NOTCH2NLR: variants seen among roughly 807,000 people sequenced by gnomAD.
The protein encoded by NOTCH2NLR is notch 2 N-terminal like R (pseudogene).
In NOTCH2NLR, 33 loss-of-function variants were observed where a neutral mutation model predicts 35.6. The ratio of observed to expected loss-of-function variants is 0.93; its 90% CI spans 0.70 to 1.24. The LOEUF (loss-of-function observed/expected upper bound fraction) is 1.24. NOTCH2NLR is among the 50% of genes most tolerant of loss of function. NOTCH2NLR has a pLI of 0.00. For missense variants in NOTCH2NLR, 276 were observed against 362.2 expected, an observed-to-expected ratio of 0.76 and a Z score of 1.93; for synonymous variants, 103 against 141.0, an observed-to-expected ratio of 0.73 and a Z score of 1.91.
In NOTCH2NLR at chr1:120,724,450, C is replaced by T. The variant is rs1198869111; in HGVS notation, c.73+200C>T. Among the ~76,000 whole-genome samples, 2 of 121,038 alleles carry T rather than the reference C, an allele frequency of 1.7e-5. 1 individual carries two copies. Among genetic ancestry groups the T allele is most frequent in the Non-Finnish European group, 3.3e-5 (2 of 61,522 alleles). The allele number at this position is 121,038 out of a possible 152,430, so 79.4% of individuals were successfully genotyped here. On this transcript the variant is annotated intron_variant, in intron 1 of 4. Transcript: ENST00000624419. The stretch of plus-strand genomic sequence containing the variant: ...TGCCCCGCCAACCGCTGGGGTTCCC[C>T]GCCGCCTCTGCTCCCCGCGGCCCGG...
Position 120,793,651 on chromosome 1 carries a change from G to T in NOTCH2NLR, c.752-96G>T, listed in dbSNP as rs1451479181. On this transcript the variant is annotated intron_variant, in intron 4 of 4. Transcript: ENST00000624419. ...TGCTAGTGAGGGAGGAGTTTTATGG[G>T]CCCACTGTGGTCCATAAACTGAGCA... 1.5e-5 allele frequency: 9 copies of T among 609,670 alleles called. 2 individuals are homozygous for T. The highest frequency in any genetic ancestry group is 7.9e-5 in the African/African-American group (2 of 25,370). The allele number at this position is 609,670 out of a possible 1,614,324, so 37.8% of individuals were successfully genotyped here. A position where few individuals can be genotyped will look rare whatever the true frequency, so the allele number is the denominator to read the frequency against.
At chr1:120,778,364 A>G (rs1651322754) in intron 2 of NOTCH2NLR, among the ~76,000 whole-genome samples, 1 of 101,930 alleles carries the variant, frequency 9.8e-6, no homozygotes, top group Non-Finnish European at 1.8e-5. Context: ...CTGTTCAAAG[A>G]ATTTTCTGCT....
At position 120,783,849 on chromosome 1, in the gene NOTCH2NLR, A is replaced by G. The variant is rs1369745492; in HGVS notation, c.156-1125A>G. Among the ~76,000 whole-genome samples the G allele has an allele frequency of 3.7e-5, 4 of 108,982 alleles. No individual in the cohort carries two copies. The South Asian group carries it at 8.2e-4, about 22-fold the overall frequency. 71.5% of individuals were successfully genotyped at this position (108,982 alleles called of 152,430 possible). On this transcript the variant is annotated intron_variant, in intron 2 of 4. Transcript: ENST00000624419. Reference sequence around the variant, plus strand: ...GAGTCATAGAAGCCAAGGTAAAATGATTAAAACGGTACATGGAGTGGTTAG... The same window carrying G: ...GAGTCATAGAAGCCAAGGTAAAATGGTTAAAACGGTACATGGAGTGGTTAG...
intron 3 of NOTCH2NLR, among the ~76,000 whole-genome samples, chr1:120,789,979 T>G (rs1478268021): frequency 1.1e-5 from 1 of 88,368 alleles, no homozygotes; most frequent in Non-Finnish European, 2.0e-5. Context: ...GAAGGATCTC[T>G]TCTTGGTGTG....
intron 1 of NOTCH2NLR, among the ~76,000 whole-genome samples, chr1:120,752,562 T>A (rs1651034134): frequency 1.7e-3 from 40 of 22,864 alleles, no homozygotes; most frequent in East Asian, 0.011. Flanking sequence ...ATATTTTTTT[T>A]TTTTTTTTTT....
In NOTCH2NLR at chr1:120,756,485, C is replaced by T. The variant is rs1253452075; in HGVS notation, c.74-7143C>T. Among the ~76,000 whole-genome samples, 9 of 117,226 alleles carry T rather than the reference C, an allele frequency of 7.7e-5. 3 individuals are homozygous for T. The highest frequency in any genetic ancestry group is 5.7e-4 in the Admixed American group (7 of 12,310). The allele number at this position is 117,226 out of a possible 152,430, so 76.9% of individuals were successfully genotyped here. A position where few individuals can be genotyped will look rare whatever the true frequency, so the allele number is the denominator to read the frequency against. ...GCAGTGGGTCTAAGCACAGATACCACACTGCAGATAGGGAGAAGGATATGA... is the reference window on the plus strand; with the variant it reads ...GCAGTGGGTCTAAGCACAGATACCATACTGCAGATAGGGAGAAGGATATGA... On this transcript the variant is annotated intron_variant, in intron 1 of 4. Transcript: ENST00000624419.
rs1194099082 is a variant in NOTCH2NLR, at chr1:120,783,887, TA to T, written c.156-1086del. ...ATGGAGTGGTTAGCAATTCTCCCTA[TA>T]GGAGAGAGAATTTCCTTATGAAGTT... On this transcript the variant is annotated intron_variant, in intron 2 of 4. Coordinates refer to ENST00000624419, the Ensembl canonical transcript of NOTCH2NLR. Among the ~76,000 whole-genome samples, 2 of 105,138 alleles carry T rather than the reference TA, an allele frequency of 1.9e-5. 1 individual carries two copies. Among genetic ancestry groups the T allele is most frequent in the Non-Finnish European group, 3.5e-5 (2 of 56,550 alleles). The allele number at this position is 105,138 out of a possible 152,430, so 69.0% of individuals were successfully genotyped here. A position where few individuals can be genotyped will look rare whatever the true frequency, so the allele number is the denominator to read the frequency against.
In NOTCH2NLR at chr1:120,763,631, T is replaced by C; in HGVS notation, c.77T>C (p.Leu26Ser). The C allele has an allele frequency of 1.5e-6, 2 of 1,371,080 alleles. 1 individual carries two copies. The highest frequency in any genetic ancestry group is 2.5e-5 in the South Asian group (2 of 81,524). The allele number at this position is 1,371,080 out of a possible 1,614,324, so 84.9% of individuals were successfully genotyped here. ...GTGCATTTGTTTTTATTTTTAGCAT[T>C]GCAGTGTCGAGATGGCTATGAACCC... Residue 26 changes from leucine to serine, a missense_variant, in exon 2 of 5, where the codon TTG (leucine) becomes TCG (serine). Coordinates refer to ENST00000624419, the Ensembl canonical transcript of NOTCH2NLR.
downstream of NOTCH2NLR, among the ~76,000 whole-genome samples, chr1:120,794,165 T>C (rs1227748932): frequency 1.7e-5 from 2 of 115,494 alleles, 1 homozygote; most frequent in Non-Finnish European, 3.3e-5. Flanking sequence ...CACAATACTT[T>C]GTTACACTCT....
At chr1:120,724,027 G>T in exon 1 of NOTCH2NLR, 1 of 1,246,860 alleles carries the variant, frequency 8.0e-7, no homozygotes, top group South Asian at 1.7e-5. Flanking sequence ...TTGCACCTGG[G>T]CTTCGGAGCG....
In NOTCH2NLR at chr1:120,792,563, A is replaced by G. The variant is rs1473218676; in HGVS notation, c.416-598A>G. Among the ~76,000 whole-genome samples the G allele has an allele frequency of 2.5e-4, 28 of 110,426 alleles. 1 individual carries two copies. The highest frequency in any genetic ancestry group is 1.3e-3 in the African/African-American group (26 of 19,518). 72.4% of individuals were successfully genotyped at this position (110,426 alleles called of 152,430 possible). ...GTCGCCCAGGCTGGAGTGCAGTGGT[A>G]CAATCTCGGCTCACTGCAACCTCCG... On this transcript the variant is annotated intron_variant, in intron 3 of 4. Transcript: ENST00000624419.
downstream of NOTCH2NLR, among the ~76,000 whole-genome samples, chr1:120,794,416 A>G (rs1337920850): frequency 8.7e-6 from 1 of 115,242 alleles, no homozygotes; most frequent in Admixed American, 8.4e-5. Context: ...CTGTTTTTAT[A>G]CAAATATCCT....
At chr1:120,755,933 C>CTTTTT (rs1168463033) in intron 1 of NOTCH2NLR, among the ~76,000 whole-genome samples, 1 of 87,260 alleles carries the variant, frequency 1.1e-5, no homozygotes, top group Non-Finnish European at 2.0e-5. Flanking sequence ...TCTCTTATTG[C>CTTTTT]TTTTTTTTTT....
chr1:120,791,454 A>G (rs1651493020), intron 3 of NOTCH2NLR, among the ~76,000 whole-genome samples: 1 of 103,984 alleles, frequency 9.6e-6, no homozygotes, highest in Non-Finnish European at 1.8e-5. Context: ...ACACCATGGA[A>G]TACTATTCAG....
At chr1:120,785,044 G>C (rs1434891499) in exon 3 of NOTCH2NLR, 1 of 1,444,906 alleles carries the variant, frequency 6.9e-7, no homozygotes, top group Admixed American at 1.9e-5. Context: ...CTGCCAGAAT[G>C]GTGGGACTTG....
At chr1:120,752,548 ATATATAT>A (rs1410027912) in intron 1 of NOTCH2NLR, among the ~76,000 whole-genome samples, 1 of 11,278 alleles carries the variant, frequency 8.9e-5, no homozygotes, top group African/African-American at 4.6e-4. Flanking sequence ...ATATATATAT[ATATATAT>A]TTTTTTTTTT....
chr1:120,752,546 A>ATTTTT (rs1651030391), intron 1 of NOTCH2NLR, among the ~76,000 whole-genome samples: 2 of 12,762 alleles, frequency 1.6e-4, no homozygotes, highest in Non-Finnish European at 2.7e-4. Flanking sequence ...ATATATATAT[A>ATTTTT]TATATATATT....
At chr1:120,780,001 T>C (rs1432448126) in intron 2 of NOTCH2NLR, among the ~76,000 whole-genome samples, 1 of 131,678 alleles carries the variant, frequency 7.6e-6, no homozygotes, top group Non-Finnish European at 1.6e-5. Flanking sequence ...AGGATGACTA[T>C]TAGGTTGATT....
chr1:120,793,302 G>A lies in NOTCH2NLR; in HGVS notation c.557G>A (p.Cys186Tyr). 3 of 1,395,530 alleles carry A rather than the reference G, an allele frequency of 2.1e-6. 1 individual carries two copies. Among genetic ancestry groups the A allele is most frequent in the South Asian group, 2.4e-5 (2 of 82,124 alleles). 86.4% of individuals were successfully genotyped at this position (1,395,530 alleles called of 1,614,324 possible). Residue 186 changes from cysteine to tyrosine, a missense_variant, in exon 4 of 5, where the codon TGT (cysteine) becomes TAT (tyrosine). Physicochemically the swap from Cys to Tyr is radical, Grantham distance 194 (BLOSUM62 -2). Transcript: ENST00000624419. Reference sequence around the variant, plus strand: ...AAGTGTGAGACTGATGTCAATGAGTGTGACATTCCAGGACACTGCCAGCAT... The same window carrying A: ...AAGTGTGAGACTGATGTCAATGAGTATGACATTCCAGGACACTGCCAGCAT...
Sources: gnomAD v4.1 joint callset for allele counts (sites outside exome capture counted in the v4.1 genomes callset) on GRCh38, gnomAD v4.1.1 for gene constraint, MANE v1.5 for transcripts, NCBI Gene and HGNC (gene_info 2026-07-23, HGNC 2026-07-21) for gene names.